PRKAR1A: variants seen among roughly 807,000 people sequenced by gnomAD.
PRKAR1A encodes cAMP-dependent protein kinase type I-alpha regulatory subunit.
In PRKAR1A, 3 loss-of-function variants were observed where a neutral mutation model predicts 52.0. The observed-to-expected ratio is 0.06, with a 90% CI of 0.03 to 0.15. The LOEUF (loss-of-function observed/expected upper bound fraction) is 0.15, where lower values mean the gene tolerates loss of function less well. PRKAR1A is among the 10% of genes least tolerant of loss of function. The pLI is 1.00. For synonymous variants in PRKAR1A, 188 were observed against 168.4 expected, an observed-to-expected ratio of 1.12 and a Z score of -0.90; for missense variants, 240 against 477.4, an observed-to-expected ratio of 0.50 and a Z score of 4.63.
the PRKAR1A span, among the ~76,000 whole-genome samples, chr17:68,430,922 C>G: frequency 6.6e-6 from 1 of 152,180 alleles, no homozygotes; most frequent in Non-Finnish European, 1.5e-5. Flanking sequence ...CAGCTCAGAG[C>G]TCTGGGAGGT....
intron 11 of PRKAR1A, among the ~76,000 whole-genome samples, chr17:68,549,286 G>T (rs1435864078): frequency 1.3e-5 from 2 of 152,154 alleles, no homozygotes; most frequent in Non-Finnish European, 2.9e-5. Context: ...CCTGAGGTCA[G>T]GAGTTCAAGA....
At chr17:68,465,233 C>T in the PRKAR1A span, among the ~76,000 whole-genome samples, 1 of 151,780 alleles carries the variant, frequency 6.6e-6, no homozygotes, top group Middle Eastern at 3.4e-3. Context: ...CGCCCGGCCC[C>T]GGCCGGGTTA....
At chr17:68,515,005 TA>T (rs1403945225) in intron 1 of PRKAR1A, 1 of 288,352 alleles carries the variant, frequency 3.5e-6, no homozygotes, top group Admixed American at 4.9e-5. Flanking sequence ...TGTGCCCTGG[TA>T]ATTCTGTATC....
the PRKAR1A span, among the ~76,000 whole-genome samples, chr17:68,458,789 A>C: frequency 3.3e-5 from 5 of 152,164 alleles, no homozygotes; most frequent in Non-Finnish European, 7.3e-5. Flanking sequence ...TCATTTTTTC[A>C]AATTTTGAGA....
At chr17:68,477,451 G>A in the PRKAR1A span, among the ~76,000 whole-genome samples, 1 of 152,090 alleles carries the variant, frequency 6.6e-6, no homozygotes, top group African/African-American at 2.4e-5. Context: ...TTCAAGTGTT[G>A]GGTTCAAGTG....
intron 11 of PRKAR1A, chr17:68,543,583 G>A (rs370119759): frequency 1.4e-5 from 22 of 1,552,980 alleles, no homozygotes; most frequent in South Asian, 3.3e-5. Flanking sequence ...CCTCCCAGAG[G>A]ATTGGTCCTT....
chr17:68,421,409 G>T, the PRKAR1A span: 1 of 243,680 alleles, frequency 4.1e-6, no homozygotes. Flanking sequence ...TAATATACAA[G>T]AAATACAATT....
the PRKAR1A span, among the ~76,000 whole-genome samples, chr17:68,468,933 C>T: frequency 6.6e-6 from 1 of 152,196 alleles, no homozygotes; most frequent in African/African-American, 2.4e-5. Context: ...ATCTGTTCCA[C>T]AGATGGGGGC....
the PRKAR1A span, chr17:68,421,453 C>T: frequency 4.5e-5 from 15 of 334,004 alleles, no homozygotes; most frequent in African/African-American, 6.2e-5. Context: ...ATTTTTTACA[C>T]GGCATATATT....
chr17:68,486,131 C>T, the PRKAR1A span, among the ~76,000 whole-genome samples: 1 of 152,108 alleles, frequency 6.6e-6, no homozygotes, highest in African/African-American at 2.4e-5. Context: ...ATTCTCCCAG[C>T]AATCAGCCAC....
At chr17:68,541,796 T>C (rs2086309156) in intron 11 of PRKAR1A, 1 of 648,508 alleles carries the variant, frequency 1.5e-6, no homozygotes. Flanking sequence ...GAAGGTTCTT[T>C]AGAACTGAAT....
chr17:68,489,186 GTATATA>G, the PRKAR1A span, among the ~76,000 whole-genome samples: 86 of 11,088 alleles, frequency 7.8e-3, 2 homozygotes, highest in South Asian at 0.022. Flanking sequence ...ATCTTGGAAA[GTATATA>G]TATATATATA....
the PRKAR1A span, chr17:68,436,557 A>G: frequency 7.3e-7 from 1 of 1,373,820 alleles, no homozygotes; most frequent in Non-Finnish European, 1.0e-6. Flanking sequence ...ATCTGAAAAC[A>G]GTACAGCTAC....
intron 6 of PRKAR1A, among the ~76,000 whole-genome samples, chr17:68,525,470 G>A (rs1189979783): frequency 6.6e-6 from 1 of 152,190 alleles, no homozygotes; most frequent in African/African-American, 2.4e-5. Flanking sequence ...GGTTCTCTAA[G>A]TATCTGTGAC....
chr17:68,504,698 C>A, the PRKAR1A span, among the ~76,000 whole-genome samples: 1 of 151,824 alleles, frequency 6.6e-6, no homozygotes, highest in African/African-American at 2.4e-5. Flanking sequence ...GGAAGTGTAG[C>A]GGTGGAGGGT....
downstream of PRKAR1A, among the ~76,000 whole-genome samples, chr17:68,534,714 T>C (rs188461780): frequency 3.3e-4 from 51 of 152,294 alleles, no homozygotes; most frequent in African/African-American, 1.2e-3. Context: ...ATATTGGATG[T>C]TTCTTTTAGG....
intron 11 of PRKAR1A, chr17:68,543,686 A>G: frequency 6.2e-7 from 1 of 1,614,034 alleles, no homozygotes; most frequent in Non-Finnish European, 8.5e-7. Context: ...AATGAAGTAG[A>G]AGAAGTCCAC....
intron 11 of PRKAR1A, among the ~76,000 whole-genome samples, chr17:68,544,294 G>T (rs2086448274): frequency 6.6e-6 from 1 of 152,176 alleles, no homozygotes; most frequent in African/African-American, 2.4e-5. Context: ...GGGGCAGCTG[G>T]TGCAGAGGAT....
the PRKAR1A span, among the ~76,000 whole-genome samples, chr17:68,486,029 G>A: frequency 6.6e-6 from 1 of 152,122 alleles, no homozygotes; most frequent in South Asian, 2.1e-4. Flanking sequence ...GTGAGCCATC[G>A]TGCCCAGCCT....
Sources: gnomAD v4.1 joint callset for allele counts (sites outside exome capture counted in the v4.1 genomes callset) on GRCh38, gnomAD v4.1.1 for gene constraint, MANE v1.5 for transcripts, NCBI Gene and HGNC (gene_info 2026-07-23, HGNC 2026-07-21) for gene names.